The following UBQLN4 variants were observed in gnomAD, a reference collection of about 807,000 sequenced individuals.
UBQLN4 encodes ubiquilin 4.
A neutral mutation model predicts 60.4 loss-of-function variants in UBQLN4; 11 were observed. The observed-to-expected ratio is 0.18, with a 90% confidence interval of 0.11 to 0.30. The LOEUF (loss-of-function observed/expected upper bound fraction) is 0.30, where lower values mean the gene tolerates loss of function less well. Ranked by LOEUF, UBQLN4 falls within the 10% of genes least tolerant of loss-of-function variation. The pLI is 1.00. For missense variants in UBQLN4, 417 were observed against 795.5 expected, an observed-to-expected ratio of 0.52 and a Z score of 5.72; for synonymous variants, 258 against 313.1, an observed-to-expected ratio of 0.82 and a Z score of 1.86.
chr1:156,050,165 T>C lies in UBQLN4; in HGVS notation c.741+126A>G, dbSNP rs977868391. 7.7e-7 allele frequency: 1 copy of C among 1,303,636 alleles called. No homozygotes were observed. Among genetic ancestry groups the C allele is most frequent in the Non-Finnish European group, 1.0e-6 (1 of 976,780 alleles). The allele number at this position is 1,303,636 out of a possible 1,614,324, so 80.8% of individuals were successfully genotyped here. A position where few individuals can be genotyped will look rare whatever the true frequency, so the allele number is the denominator to read the frequency against. ...AGCTAGGCCTGTCTTTTCATCCCTGTACCTCCAGTGTTCAAAACTGCTGAA... is the reference window on the plus strand; with the variant it reads ...AGCTAGGCCTGTCTTTTCATCCCTGCACCTCCAGTGTTCAAAACTGCTGAA... On this transcript the variant is annotated intron_variant, in intron 4 of 10. Transcript: ENST00000368309. This position sits in a 1 kb window ranked among gnomAD's most constrained non-coding sequence, Gnocchi z 4.6.
At chr1:156,034,977 T>C (rs1363100379), downstream of UBQLN4, among the ~76,000 whole-genome samples, 1 of 148,516 alleles carries the variant, frequency 6.7e-6, no homozygotes. Flanking sequence ...CAAGTGGTCC[T>C]CCTGCCTCAG....
chr1:156,040,527 G>A (rs1425679837), intron 10 of UBQLN4, among the ~76,000 whole-genome samples: 1 of 141,626 alleles, frequency 7.1e-6, no homozygotes, highest in East Asian at 2.5e-4. Context: ...CTCACTGCAA[G>A]CTCCACCTCC....
downstream of UBQLN4, chr1:156,033,318 A>G (rs1683326444): frequency 1.1e-5 from 11 of 983,730 alleles, no homozygotes; most frequent in Non-Finnish European, 1.3e-5. Flanking sequence ...CCTTCCGCTT[A>G]GAAATAAAGC....
At chr1:156,033,238 G>A, downstream of UBQLN4, 1 of 985,424 alleles carries the variant, frequency 1.0e-6, no homozygotes, top group Non-Finnish European at 1.2e-6. Context: ...TTCACTAATG[G>A]GTGATGGTCC....
Position 156,053,712 on chromosome 1 carries a change from C to T in UBQLN4, c.-11G>A. On this transcript the variant is annotated 5_prime_UTR_variant, in exon 1 of 11. Coordinates refer to ENST00000368309, the MANE Select transcript of UBQLN4 (RefSeq NM_020131.5). ...GCTCGGCTCCGCCATGCCGCCGCCG[C>T]CACCCGGCCGCCCGCCAGCCCGCCC... The T allele has an allele frequency of 7.9e-7, 1 of 1,267,738 alleles. No homozygotes were observed. The highest frequency in any genetic ancestry group is 1.0e-6 in the Non-Finnish European group (1 of 1,000,870). The allele number at this position is 1,267,738 out of a possible 1,614,324, so 78.5% of individuals were successfully genotyped here.
intron 1 of UBQLN4, among the ~76,000 whole-genome samples, chr1:156,052,777 G>C (rs768254635): frequency 1.3e-5 from 2 of 152,194 alleles, no homozygotes; most frequent in Non-Finnish European, 2.9e-5. Context: ...CAGCTTTGTA[G>C]GGAACATACA....
chr1:156,041,465 G>T lies in UBQLN4; in HGVS notation c.1653+20C>A. On this transcript the variant is annotated intron_variant, in intron 10 of 10. Coordinates refer to ENST00000368309, the MANE Select transcript of UBQLN4 (RefSeq NM_020131.5). ...GATCAAAGTGGTGCTCCCAGCACCTGCCCCCACTGCCTCATGTACCTGTGA... is the reference window on the plus strand; with the variant it reads ...GATCAAAGTGGTGCTCCCAGCACCTTCCCCCACTGCCTCATGTACCTGTGA... The T allele has an allele frequency of 6.5e-7, 1 of 1,537,006 alleles. No individual in the cohort carries two copies. Among genetic ancestry groups the T allele is most frequent in the Non-Finnish European group, 8.8e-7 (1 of 1,140,818 alleles).
At chr1:156,039,244 G>C (rs1313734693) in intron 10 of UBQLN4, among the ~76,000 whole-genome samples, 1 of 136,302 alleles carries the variant, frequency 7.3e-6, no homozygotes, top group African/African-American at 2.7e-5. Flanking sequence ...TCCTGGCCTG[G>C]CTTTTTTTTT....
chr1:156,053,504 C>T, intron 1 of UBQLN4, 90 bp downstream of exon 1: 1 of 1,003,068 alleles, frequency 1.0e-6, no homozygotes, highest in Non-Finnish European at 1.3e-6. Flanking sequence ...CTCTCCGGGG[C>T]CCTCCGGGAC....
rs1426330841 is a variant in UBQLN4 at position 156,036,318 on chromosome 1, G to C, written c.*660C>G. 2.0e-6 allele frequency: 2 copies of C among 985,524 alleles called. No homozygotes were observed. Among genetic ancestry groups the C allele is most frequent in the Non-Finnish European group, 2.4e-6 (2 of 830,000 alleles). The allele number at this position is 985,524 out of a possible 1,614,324, so 61.0% of individuals were successfully genotyped here. ...TCCTCTTTCACACGAATTTCCTCTGGGCTGCTCCAGCGTTTGTTAATTCCT... is the reference window on the plus strand; with the variant it reads ...TCCTCTTTCACACGAATTTCCTCTGCGCTGCTCCAGCGTTTGTTAATTCCT... On this transcript the variant is annotated 3_prime_UTR_variant, in exon 11 of 11. Coordinates refer to ENST00000368309, the MANE Select transcript of UBQLN4 (RefSeq NM_020131.5).
In UBQLN4 at chr1:156,048,709, A is replaced by C. The variant is rs776331199; in HGVS notation, c.742-50T>G. The C allele has an allele frequency of 1.0e-5, 16 of 1,587,918 alleles. No homozygotes were observed. In the African/African-American group the frequency reaches 1.9e-4, roughly 19 times the overall value. On this transcript the variant is annotated intron_variant, in intron 4 of 10. Transcript: ENST00000368309. The surrounding 1 kb of genome is among the most constrained non-coding windows in gnomAD (Gnocchi z 4.9). ...GGGCCCCGGAACCAGGGGAGCACCA[A>C]CCTAGGAAAAGGGTGGGCCTTGAGG... is the stretch of plus-strand genomic sequence containing the variant.
chr1:156,041,739 A>G (rs565812281), intron 9 of UBQLN4, 68 bp from the exon 10 acceptor site: 2 of 1,460,236 alleles, frequency 1.4e-6, no homozygotes, highest in East Asian at 5.0e-5. Context: ...TGAGATCCAG[A>G]AGGAAAAGCA....
In UBQLN4 at chr1:156,041,515, G is replaced by A; in HGVS notation, c.1623C>T (p.Ile541=). The A allele has an allele frequency of 6.2e-7, 1 of 1,608,822 alleles. No individual in the cohort carries two copies. The highest frequency in any genetic ancestry group is 8.5e-7 in the Non-Finnish European group (1 of 1,178,220). ...AGTTTCCACTTCCAGCCAAAAGCTG[G>A]ATCATCTGCTGCATGAGTTGCTGCT... The part of the protein sequence containing the change: ...SAQQQLMQQM[I]QLLAGSGNSQ... The change falls in exon 10 of 11, where the codon ATC becomes ATT. Residue 541 remains isoleucine (I), a synonymous_variant. Coordinates refer to ENST00000368309, the MANE Select transcript of UBQLN4 (RefSeq NM_020131.5).
At chr1:156,042,415 G>C in intron 7 of UBQLN4, 179 bp from the exon 8 acceptor site, 2 of 1,416,534 alleles carry the variant, frequency 1.4e-6, no homozygotes, top group Non-Finnish European at 1.8e-6. Context: ...ACTATGCTCT[G>C]GGTAATGAAG....
chr1:156,045,866 G>A (rs1260243562), intron 5 of UBQLN4, among the ~76,000 whole-genome samples: 1 of 149,846 alleles, frequency 6.7e-6, no homozygotes, highest in East Asian at 1.9e-4. Context: ...TTTTTTTTGA[G>A]ATGGAGTCTC....
chr1:156,051,958 C>T (rs567810593), intron 1 of UBQLN4, 101 bp from the exon 2 acceptor site: 12 of 1,464,294 alleles, frequency 8.2e-6, no homozygotes, highest in Admixed American at 2.0e-5. Context: ...TTGCTCTCAT[C>T]TCTAGTCATG....
At position 156,042,199 on chromosome 1, in the gene UBQLN4, T is replaced by A. The variant is rs1359700413; in HGVS notation, c.1304A>T (p.Gln435Leu). ...CTGCAGGCGGAGCTGCTCCTGCAGT[T>A]GGGGGTTCCCCGCGAAGAGCGGCAC... is the stretch of plus-strand genomic sequence containing the variant. Reference protein sequence around the residue: ...VNVPLFAGNPQLQEQLRLQLP... With the variant: ...VNVPLFAGNPLLQEQLRLQLP... Residue 435 changes from glutamine (Q) to leucine (L), a missense_variant, in exon 8 of 11, where the codon CAA (glutamine) becomes CTA (leucine). Gln to Leu is a moderately radical substitution (Grantham distance 113, BLOSUM62 -2). Coordinates refer to ENST00000368309, the MANE Select transcript of UBQLN4 (RefSeq NM_020131.5). 1 of 1,607,602 alleles carries A rather than the reference T, an allele frequency of 6.2e-7. No homozygotes were observed. The highest frequency in any genetic ancestry group is 1.3e-5 in the African/African-American group (1 of 74,578).
chr1:156,047,404 C>T (rs889944555), intron 5 of UBQLN4, among the ~76,000 whole-genome samples: 2 of 151,418 alleles, frequency 1.3e-5, no homozygotes, highest in African/African-American at 2.4e-5. Flanking sequence ...CCATCATGCC[C>T]GGCTAATTTT....
chr1:156,051,343 G>A lies in UBQLN4; in HGVS notation c.261-16C>T. ...ATCTTGAGCCCTGAGGACAGAGAAA[G>A]GAGAATCCTGTTGGAGTGAGCACTA... On this transcript the variant is annotated splice_polypyrimidine_tract_variant and intron_variant, in intron 2 of 10. Coordinates refer to ENST00000368309, the MANE Select transcript of UBQLN4 (RefSeq NM_020131.5). 1 of 1,551,802 alleles carries A rather than the reference G, an allele frequency of 6.4e-7. No individual in the cohort carries two copies. The highest frequency in any genetic ancestry group is 8.7e-7 in the Non-Finnish European group (1 of 1,146,794).
Sources: allele counts gnomAD v4.1 joint callset (sites outside exome capture counted in the v4.1 genomes callset), GRCh38; gene constraint gnomAD v4.1.1; non-coding constraint Gnocchi (gnomAD v3.1); transcripts MANE v1.5; gene names NCBI Gene and HGNC (gene_info 2026-07-23, HGNC 2026-07-21).